The following AGMO variants were observed in gnomAD, a reference collection of about 807,000 sequenced individuals.
AGMO encodes the protein glyceryl-ether monooxygenase.
A neutral mutation model predicts 60.2 loss-of-function variants in AGMO; 75 were observed. The ratio of observed to expected loss-of-function variants is 1.25; its 90% confidence interval spans 1.03 to 1.51. AGMO has a LOEUF of 1.51. AGMO is among the 40% of genes most tolerant of loss of function. The pLI is 0.00. For synonymous variants in AGMO, 261 were observed against 177.1 expected, an observed-to-expected ratio of 1.47 and a Z score of -3.76; for missense variants, 763 against 525.5, an observed-to-expected ratio of 1.45 and a Z score of -4.42.
the AGMO span, among the ~76,000 whole-genome samples, chr7:15,122,604 C>A: frequency 6.6e-6 from 1 of 152,132 alleles, no homozygotes; most frequent in Non-Finnish European, 1.5e-5. Context: ...TCTTACTCCA[C>A]GTCACTCACA....
At chr7:15,374,882 G>T (rs75164293) in intron 10 of AGMO, among the ~76,000 whole-genome samples, 13,918 of 152,084 alleles carry the variant, frequency 0.092, 709 homozygotes, top group Non-Finnish European at 0.12. Context: ...AAAATTTGCA[G>T]AGTGTCGGTC....
At chr7:15,387,621 A>AC in intron 8 of AGMO, 81 bp from the exon 9 acceptor site, 1 of 1,299,660 alleles carries the variant, frequency 7.7e-7, no homozygotes, top group South Asian at 1.4e-5. Flanking sequence ...ATATTATTTT[A>AC]TTGTTCAAGG....
intron 2 of AGMO, among the ~76,000 whole-genome samples, chr7:15,545,835 A>G (rs1487949009): frequency 6.6e-6 from 1 of 151,892 alleles, no homozygotes; most frequent in African/African-American, 2.4e-5. Context: ...ACTTTTATCA[A>G]TTTGATTGAG....
intron 12 of AGMO, among the ~76,000 whole-genome samples, chr7:15,354,379 T>G (rs368446332): frequency 3.7e-5 from 2 of 54,384 alleles, no homozygotes; most frequent in African/African-American, 1.3e-4. Context: ...GACGTGTGTA[T>G]ACACGTGTGT....
the AGMO span, among the ~76,000 whole-genome samples, chr7:15,160,348 CTT>C: frequency 1.3e-5 from 2 of 152,064 alleles, no homozygotes; most frequent in East Asian, 3.9e-4. Flanking sequence ...TTTATAGTAA[CTT>C]TGATAGTAAA....
chr7:15,547,609 C>T (rs559822730), intron 2 of AGMO, among the ~76,000 whole-genome samples: 4 of 152,044 alleles, frequency 2.6e-5, no homozygotes, highest in South Asian at 4.2e-4. Context: ...CTTTTCGGAC[C>T]GGCTTAAAAA....
At chr7:15,244,459 G>C (rs35195332) in intron 12 of AGMO, among the ~76,000 whole-genome samples, 49,409 of 151,906 alleles carry the variant, frequency 0.33, 9,506 homozygotes, top group East Asian at 0.51. Context: ...ACCATTACCC[G>C]ACTCCTAATC....
At chr7:15,204,532 T>A (rs1235238855) in intron 12 of AGMO, among the ~76,000 whole-genome samples, 1 of 152,192 alleles carries the variant, frequency 6.6e-6, no homozygotes, top group Admixed American at 6.5e-5. Flanking sequence ...AATGCACACT[T>A]ATTGTATCCT....
the AGMO span, among the ~76,000 whole-genome samples, chr7:15,123,897 G>A: frequency 1.1e-3 from 164 of 152,188 alleles, 1 homozygote; most frequent in Non-Finnish European, 1.8e-3. Context: ...GTGAGCGTAC[G>A]CTTTGCTGGG....
intron 4 of AGMO, among the ~76,000 whole-genome samples, chr7:15,419,572 T>C (rs1354336588): frequency 1.3e-5 from 2 of 152,080 alleles, no homozygotes; most frequent in Non-Finnish European, 2.9e-5. Flanking sequence ...TTATGCAAAA[T>C]GTAATTTCAA....
intron 3 of AGMO, among the ~76,000 whole-genome samples, chr7:15,458,196 G>T (rs894523961): frequency 1.3e-5 from 2 of 152,096 alleles, no homozygotes; most frequent in African/African-American, 2.4e-5. Flanking sequence ...TCCTTCAACA[G>T]CCAGGAGTCT....
chr7:15,378,690 G>C (rs1299107942), intron 10 of AGMO, among the ~76,000 whole-genome samples: 1 of 151,692 alleles, frequency 6.6e-6, no homozygotes, highest in Admixed American at 6.6e-5. Context: ...AGACCAAATG[G>C]ACCTGATAGA....
At chr7:15,251,334 G>A (rs897677541) in intron 12 of AGMO, among the ~76,000 whole-genome samples, 1 of 152,098 alleles carries the variant, frequency 6.6e-6, no homozygotes, top group Admixed American at 6.6e-5. Flanking sequence ...GTACCAACCA[G>A]GAAAGTAAAA....
chr7:15,188,706 G>A, the AGMO span, among the ~76,000 whole-genome samples: 6 of 151,752 alleles, frequency 4.0e-5, no homozygotes, highest in South Asian at 4.2e-4. Context: ...AAAGGCTCAT[G>A]AGTTCATAGA....
At chr7:15,240,392 T>G (rs1431683049) in intron 12 of AGMO, among the ~76,000 whole-genome samples, 1 of 152,214 alleles carries the variant, frequency 6.6e-6, no homozygotes, top group African/African-American at 2.4e-5. Flanking sequence ...AGCCTTCATC[T>G]GACAAGAATT....
intron 12 of AGMO, among the ~76,000 whole-genome samples, chr7:15,309,769 A>G (rs1220176348): frequency 1.3e-5 from 2 of 152,172 alleles, no homozygotes; most frequent in East Asian, 3.8e-4. Context: ...AATAAAGCCC[A>G]GAGAAGTTAA....
chr7:15,392,046 C>A (rs966521210), intron 6 of AGMO, among the ~76,000 whole-genome samples: 1 of 151,906 alleles, frequency 6.6e-6, no homozygotes, highest in African/African-American at 2.4e-5. Context: ...TTGTTCTTCT[C>A]GACTTCCTAT....
chr7:15,454,132 T>C (rs925766351), intron 3 of AGMO, among the ~76,000 whole-genome samples: 3 of 151,502 alleles, frequency 2.0e-5, no homozygotes, highest in Admixed American at 6.6e-5. Context: ...ATAAATATTA[T>C]TTTTCTCTAG....
the AGMO span, among the ~76,000 whole-genome samples, chr7:15,160,851 T>G: frequency 2.0e-5 from 3 of 152,280 alleles, no homozygotes; most frequent in East Asian, 5.8e-4. Flanking sequence ...AAAGAATGCA[T>G]GAGGCTGAGT....
Sources: gnomAD v4.1 joint callset for allele counts (sites outside exome capture counted in the v4.1 genomes callset) on GRCh38, gnomAD v4.1.1 for gene constraint, MANE v1.5 for transcripts, NCBI Gene and HGNC (gene_info 2026-07-23, HGNC 2026-07-21) for gene names.